The following CEP63 variants were observed in gnomAD, a reference collection of about 807,000 sequenced individuals.
CEP63 encodes centrosomal protein of 63 kDa.
In CEP63, 84 loss-of-function variants were observed where a neutral mutation model predicts 89.1. The observed-to-expected ratio is 0.94, with a 90% CI of 0.79 to 1.13. The LOEUF (loss-of-function observed/expected upper bound fraction) is 1.13. CEP63 is among the 50% of genes most tolerant of loss of function. The pLI is 0.00. For missense variants in CEP63, 838 were observed against 813.3 expected, an observed-to-expected ratio of 1.03 and a Z score of -0.37; for synonymous variants, 267 against 272.5, an observed-to-expected ratio of 0.98 and a Z score of 0.20.
chr3:134,768,991 T>C, the CEP63 span, among the ~76,000 whole-genome samples: 3 of 152,084 alleles, frequency 2.0e-5, no homozygotes, highest in Admixed American at 6.5e-5. Context: ...CCAGCTGACA[T>C]CTAGCAAGGA....
At chr3:134,543,982 T>C (rs1254534672) in intron 6 of CEP63, among the ~76,000 whole-genome samples, 1 of 150,960 alleles carries the variant, frequency 6.6e-6, no homozygotes, top group Non-Finnish European at 1.5e-5. Context: ...AAAGGCTCTT[T>C]GCACTGAAAT....
At chr3:134,528,558 G>GTA (rs1183492949) in intron 3 of CEP63, among the ~76,000 whole-genome samples, 1 of 121,294 alleles carries the variant, frequency 8.2e-6, no homozygotes, top group Non-Finnish European at 1.8e-5. Context: ...GGAGGGGTGT[G>GTA]TGTGTGTGTG....
intron 1 of CEP63, among the ~76,000 whole-genome samples, chr3:134,492,716 C>A (rs1938173605): frequency 1.3e-5 from 2 of 151,876 alleles, no homozygotes; most frequent in South Asian, 4.2e-4. Flanking sequence ...AGTTTAATTT[C>A]TTTTTTTATT....
chr3:134,519,183 G>A (rs1033492621), intron 3 of CEP63, among the ~76,000 whole-genome samples: 5 of 151,992 alleles, frequency 3.3e-5, no homozygotes. Flanking sequence ...GAGTGCAGTT[G>A]CGTGATCTCA....
At chr3:134,670,488 G>T in the CEP63 span, among the ~76,000 whole-genome samples, 1 of 152,182 alleles carries the variant, frequency 6.6e-6, no homozygotes, top group East Asian at 1.9e-4. Flanking sequence ...TCATTGCAAG[G>T]AAGTTCCTTA....
At chr3:134,768,065 G>A in the CEP63 span, among the ~76,000 whole-genome samples, 213 of 152,328 alleles carry the variant, frequency 1.4e-3, no homozygotes, top group Admixed American at 0.012. Flanking sequence ...AGGACACAGC[G>A]TGAGGCCAGG....
chr3:134,638,294 C>T, the CEP63 span, among the ~76,000 whole-genome samples: 3 of 152,224 alleles, frequency 2.0e-5, no homozygotes, highest in East Asian at 5.8e-4. Context: ...AAATAAAACT[C>T]TTAATTTAAG....
At chr3:134,520,876 A>G (rs1400270546) in intron 3 of CEP63, among the ~76,000 whole-genome samples, 1 of 152,190 alleles carries the variant, frequency 6.6e-6, no homozygotes, top group African/African-American at 2.4e-5. Flanking sequence ...ACCAAATTCA[A>G]TTCTAGATGG....
At chr3:134,753,366 C>T in the CEP63 span, among the ~76,000 whole-genome samples, 1 of 152,318 alleles carries the variant, frequency 6.6e-6, no homozygotes, top group East Asian at 1.9e-4. Context: ...TTGTCATTGA[C>T]TCCTGGGCCT....
chr3:134,580,965 A>G (rs960828046), intron 10 of CEP63, among the ~76,000 whole-genome samples: 9 of 139,670 alleles, frequency 6.4e-5, no homozygotes, highest in Non-Finnish European at 9.5e-5. Flanking sequence ...AATCACAGGG[A>G]CCCAAGTGTG....
the CEP63 span, among the ~76,000 whole-genome samples, chr3:134,690,091 T>G: frequency 1.1e-4 from 16 of 152,234 alleles, no homozygotes; most frequent in Admixed American, 6.5e-4. Context: ...AGTTTTCTCG[T>G]GAAGCACAAA....
At chr3:134,609,255 G>T in the CEP63 span, among the ~76,000 whole-genome samples, 1 of 152,186 alleles carries the variant, frequency 6.6e-6, no homozygotes, top group South Asian at 2.1e-4. Flanking sequence ...CAGCTGTGCT[G>T]GCGGGGACCT....
the CEP63 span, among the ~76,000 whole-genome samples, chr3:134,752,711 C>A: frequency 6.6e-6 from 1 of 152,142 alleles, no homozygotes; most frequent in African/African-American, 2.4e-5. Flanking sequence ...GTGCACGGGA[C>A]CAGCAATTGT....
intron 4 of CEP63, among the ~76,000 whole-genome samples, chr3:134,532,231 A>G (rs770025555): frequency 6.6e-6 from 1 of 152,230 alleles, no homozygotes; most frequent in Non-Finnish European, 1.5e-5. Context: ...ACCAAAAATT[A>G]CATTTAATAT....
chr3:134,551,450 A>G (rs1954802248), intron 11 of CEP63, among the ~76,000 whole-genome samples: 1 of 152,158 alleles, frequency 6.6e-6, no homozygotes, highest in Non-Finnish European at 1.5e-5. Context: ...GAAAGAAGGA[A>G]TATTTTCAAA....
At chr3:134,715,536 TTG>T in the CEP63 span, among the ~76,000 whole-genome samples, 108,666 of 137,040 alleles carry the variant, frequency 0.79, 42,495 homozygotes, top group East Asian at 0.97. Context: ...TTGTTTTTTT[TTG>T]TTTTTTCCTC....
At chr3:134,511,169 G>A in intron 3 of CEP63, 1 of 170,796 alleles carries the variant, frequency 5.9e-6, no homozygotes, top group Admixed American at 6.3e-5. Context: ...AGTTTAGAGG[G>A]TAATGGAGGG....
the CEP63 span, among the ~76,000 whole-genome samples, chr3:134,624,426 T>A: frequency 6.6e-6 from 1 of 152,238 alleles, no homozygotes; most frequent in Non-Finnish European, 1.5e-5. Context: ...GTGGCCTTTT[T>A]AAGACCACTT....
chr3:134,608,523 C>T, the CEP63 span: 2 of 1,584,946 alleles, frequency 1.3e-6, no homozygotes, highest in South Asian at 2.3e-5. Flanking sequence ...AAGCTTTGTG[C>T]TAAGCTCACA....
Sources: allele counts gnomAD v4.1 joint callset (sites outside exome capture counted in the v4.1 genomes callset), GRCh38; gene constraint gnomAD v4.1.1; transcripts MANE v1.5; gene names NCBI Gene and HGNC (gene_info 2026-07-23, HGNC 2026-07-21).